The following WWOX variants were observed in gnomAD, a reference collection of about 807,000 sequenced individuals.
WWOX encodes WW domain containing oxidoreductase.
A neutral mutation model predicts 46.2 loss-of-function variants in WWOX; 69 were observed. The observed-to-expected ratio is 1.49, with a 90% CI of 1.23 to 1.82. The LOEUF is 1.82. WWOX is among the 40% of genes most tolerant of loss of function. WWOX has a pLI of 0.00. For missense variants in WWOX, 919 were observed against 542.6 expected (o/e 1.69, Z -6.89); for synonymous variants, 359 against 202.6 (o/e 1.77, Z -6.56).
chr16:78,308,132 A>C (rs1311956107), intron 5 of WWOX, among the ~76,000 whole-genome samples: 1 of 152,138 alleles, frequency 6.6e-6, no homozygotes, highest in South Asian at 2.1e-4. Flanking sequence ...AGCTTTGGAA[A>C]TAGGCAGTGC....
At chr16:78,661,588 A>G (rs1472045113) in intron 8 of WWOX, among the ~76,000 whole-genome samples, 1 of 135,890 alleles carries the variant, frequency 7.4e-6, no homozygotes, top group African/African-American at 2.8e-5. Context: ...CCGTAAAGGT[A>G]GGATTGTGTT....
intron 8 of WWOX, among the ~76,000 whole-genome samples, chr16:78,473,239 C>T (rs1415075904): frequency 6.6e-6 from 1 of 152,148 alleles, no homozygotes; most frequent in African/African-American, 2.4e-5. Context: ...AAGCGATTGT[C>T]CTGCCTCAGC....
chr16:78,492,820 G>A (rs375177694), intron 8 of WWOX, among the ~76,000 whole-genome samples: 24 of 152,208 alleles, frequency 1.6e-4, no homozygotes, highest in African/African-American at 4.3e-4. Flanking sequence ...ATTTCTGGGG[G>A]CCTCATGCCT....
chr16:78,238,982 C>G (rs904510667), intron 5 of WWOX, among the ~76,000 whole-genome samples: 1 of 151,988 alleles, frequency 6.6e-6, no homozygotes, highest in African/African-American at 2.4e-5. Flanking sequence ...GCTCTTGTCC[C>G]CAAGGCCTGC....
chr16:78,721,059 C>A (rs1168358364), intron 8 of WWOX, among the ~76,000 whole-genome samples: 1 of 151,992 alleles, frequency 6.6e-6, no homozygotes, highest in Non-Finnish European at 1.5e-5. Flanking sequence ...AGATTGAGGT[C>A]GTTTATTGGT....
chr16:78,473,909 G>A (rs893649198), intron 8 of WWOX, among the ~76,000 whole-genome samples: 1 of 152,168 alleles, frequency 6.6e-6, no homozygotes, highest in Admixed American at 6.5e-5. Flanking sequence ...TATTAATTTA[G>A]GGATGATGAG....
intron 5 of WWOX, among the ~76,000 whole-genome samples, chr16:78,330,642 G>A (rs552328880): frequency 2.6e-5 from 4 of 152,274 alleles, no homozygotes; most frequent in South Asian, 2.1e-4. Context: ...TGATCCGCCC[G>A]CCTTGGCCTC....
chr16:78,696,405 T>C (rs1408621049), intron 8 of WWOX, among the ~76,000 whole-genome samples: 3 of 152,162 alleles, frequency 2.0e-5, no homozygotes, highest in Non-Finnish European at 4.4e-5. Flanking sequence ...CTTAGATTTT[T>C]TCACCTTTGG....
chr16:78,940,027 G>T (rs747397274), intron 8 of WWOX, among the ~76,000 whole-genome samples: 3 of 152,066 alleles, frequency 2.0e-5, no homozygotes, highest in Non-Finnish European at 4.4e-5. Context: ...AAAACTGCAG[G>T]CCTGAAGCTT....
intron 8 of WWOX, among the ~76,000 whole-genome samples, chr16:78,913,814 C>A (rs1034867418): frequency 2.0e-5 from 3 of 151,938 alleles, no homozygotes; most frequent in Admixed American, 6.6e-5. Context: ...GTGTGCACCA[C>A]AATGCCCAGC....
chr16:79,163,814 AAAAG>A (rs1245360509), intron 8 of WWOX, among the ~76,000 whole-genome samples: 1 of 146,906 alleles, frequency 6.8e-6, no homozygotes, highest in Non-Finnish European at 1.5e-5. Context: ...AAAAAAAAAA[AAAAG>A]AGAGAGAGAA....
At chr16:78,560,372 G>A (rs532105712) in intron 8 of WWOX, among the ~76,000 whole-genome samples, 131 of 152,338 alleles carry the variant, frequency 8.6e-4, no homozygotes, top group Non-Finnish European at 1.0e-3. Flanking sequence ...GCCAGGTGCG[G>A]TGGCTCACGC....
intron 8 of WWOX, among the ~76,000 whole-genome samples, chr16:79,104,506 A>G (rs1434192873): frequency 1.3e-5 from 2 of 152,352 alleles, no homozygotes; most frequent in Admixed American, 6.5e-5. Context: ...TACAAAGGAT[A>G]GATCAGTAAT....
intron 8 of WWOX, among the ~76,000 whole-genome samples, chr16:78,835,304 T>G (rs2051948409): frequency 6.6e-6 from 1 of 152,260 alleles, no homozygotes; most frequent in South Asian, 2.1e-4. Context: ...TCCCTTTAAC[T>G]ACACCATTCA....
intron 5 of WWOX, among the ~76,000 whole-genome samples, chr16:78,238,765 A>G (rs548475112): frequency 6.6e-6 from 1 of 151,888 alleles, no homozygotes; most frequent in South Asian, 2.1e-4. Context: ...GATTACAGAC[A>G]TGTGCCACCA....
chr16:78,421,256 G>A (rs1005394983), intron 6 of WWOX, among the ~76,000 whole-genome samples: 9 of 152,092 alleles, frequency 5.9e-5, no homozygotes, highest in Admixed American at 1.3e-4. Context: ...GGTTTGCAGC[G>A]TTGGCTCCTT....
intron 8 of WWOX, among the ~76,000 whole-genome samples, chr16:78,833,787 C>T (rs908442449): frequency 2.0e-5 from 3 of 152,208 alleles, no homozygotes; most frequent in Non-Finnish European, 2.9e-5. Context: ...TAAGAGGATC[C>T]GATAAATTAC....
chr16:78,836,794 C>T (rs1294336879), intron 8 of WWOX, among the ~76,000 whole-genome samples: 6 of 152,156 alleles, frequency 3.9e-5, no homozygotes, highest in Non-Finnish European at 7.3e-5. Flanking sequence ...TTATTCTATA[C>T]ACCAAAAGCC....
intron 4 of WWOX, among the ~76,000 whole-genome samples, chr16:78,159,652 G>T (rs2034718032): frequency 9.4e-6 from 1 of 106,012 alleles, no homozygotes; most frequent in Non-Finnish European, 2.1e-5. Context: ...TGGTTCCTTT[G>T]CTTGTTTTTA....
Sources: gnomAD v4.1 joint callset for allele counts (sites outside exome capture counted in the v4.1 genomes callset) on GRCh38, gnomAD v4.1.1 for gene constraint, MANE v1.5 for transcripts, NCBI Gene and HGNC (gene_info 2026-07-23, HGNC 2026-07-21) for gene names.